The following RELL1 variants were observed in gnomAD, a reference collection of about 807,000 sequenced individuals.
The protein encoded by RELL1 is RELT-like protein 1.
RELL1 carries 10 observed loss-of-function variants against 23.0 expected under a neutral mutation model. The ratio of observed to expected loss-of-function variants is 0.43; its 90% CI spans 0.27 to 0.74. RELL1 has a LOEUF of 0.74. Among genes scored for constraint, RELL1 ranks in the 30% least tolerant of loss-of-function variants. The probability of loss-of-function intolerance (pLI) is 0.19; values close to 1 mark genes in which losing one functional copy is unlikely to be tolerated. For synonymous variants in RELL1, 146 were observed against 146.8 expected, an observed-to-expected ratio of 0.99 and a Z score of 0.04; for missense variants, 315 against 364.4, an observed-to-expected ratio of 0.86 and a Z score of 1.10.
At chr4:37,655,541 G>C (rs1212054663) in intron 1 of RELL1, among the ~76,000 whole-genome samples, 1 of 152,178 alleles carries the variant, frequency 6.6e-6, no homozygotes, top group Non-Finnish European at 1.5e-5. Flanking sequence ...GAACCCAGGA[G>C]AGAGGCATGA....
At position 37,647,388 on chromosome 4, in the gene RELL1, T is replaced by C; in HGVS notation, c.365A>G (p.His122Arg). ...CACACCTTCATTTTTCATGATGTAG[T>C]GGACGATTTGCCCAACAGTGTCACT... Reference protein sequence around the residue: ...ENSDTVGQIVHYIMKNEANAD... With the variant: ...ENSDTVGQIVRYIMKNEANAD... Residue 122 changes from histidine (H) to arginine (R), a missense_variant, in exon 3 of 7, where the codon CAC (histidine) becomes CGC (arginine). Transcript: ENST00000454158. 6.2e-7 allele frequency: 1 copy of C among 1,612,878 alleles called. No homozygotes were observed. The highest frequency in any genetic ancestry group is 1.1e-5 in the South Asian group (1 of 91,018).
At chr4:37,657,964 C>G (rs1219544532) in intron 1 of RELL1, among the ~76,000 whole-genome samples, 1 of 152,014 alleles carries the variant, frequency 6.6e-6, no homozygotes, top group Non-Finnish European at 1.5e-5. Flanking sequence ...AAAGCAATGG[C>G]AAACCAGTGT....
At chr4:37,668,958 G>C (rs1015859809) in intron 1 of RELL1, among the ~76,000 whole-genome samples, 2 of 149,884 alleles carry the variant, frequency 1.3e-5, no homozygotes, top group African/African-American at 5.0e-5. Flanking sequence ...CTGTCTGAGA[G>C]GTGAGGAGCC....
rs57488042 is a variant in RELL1 at position 37,663,738 on chromosome 4, C to T, written c.89-14238G>A. On this transcript the variant is annotated intron_variant, in intron 1 of 6. Coordinates refer to ENST00000454158, the MANE Select transcript of RELL1 (RefSeq NM_001085400.2). ...GAATCCCGGGGCCCACACTCTTAGC[C>T]ATGTTGCTTAACAGTGTCTGTAAGT... 7.6e-3 allele frequency among the ~76,000 whole-genome samples: 1,154 copies of T among 152,264 alleles called. 17 individuals carry two copies. The highest frequency in any genetic ancestry group is 0.026 in the African/African-American group (1,098 of 41,540).
chr4:37,668,505 C>A (rs1243301658), intron 1 of RELL1, among the ~76,000 whole-genome samples: 1 of 151,932 alleles, frequency 6.6e-6, no homozygotes, highest in Non-Finnish European at 1.5e-5. Context: ...GACGGAGTCT[C>A]CTTCACTCAG....
At chr4:37,670,631 T>C (rs1285278923) in intron 1 of RELL1, among the ~76,000 whole-genome samples, 1 of 151,582 alleles carries the variant, frequency 6.6e-6, no homozygotes, top group Non-Finnish European at 1.5e-5. Context: ...AGTGCAGTGG[T>C]GTGATCTCTG....
chr4:37,593,437 A>G (rs1718711912), intron 6 of RELL1, among the ~76,000 whole-genome samples: 1 of 152,212 alleles, frequency 6.6e-6, no homozygotes, highest in Admixed American at 6.5e-5. Context: ...TTTGTAGTCC[A>G]TAATGGCTGC....
chr4:37,674,071 G>A (rs115078069), intron 1 of RELL1, among the ~76,000 whole-genome samples: 2,627 of 152,138 alleles, frequency 0.017, 69 homozygotes, highest in African/African-American at 0.06. Context: ...CTTTTCCATC[G>A]CCCTTATCAG....
At chr4:37,683,949 C>T (rs941725176) in intron 1 of RELL1, among the ~76,000 whole-genome samples, 10 of 151,818 alleles carry the variant, frequency 6.6e-5, no homozygotes, top group African/African-American at 1.7e-4. Flanking sequence ...GGCATGGTGG[C>T]GGGCGCCTGT....
intron 6 of RELL1, among the ~76,000 whole-genome samples, chr4:37,596,906 G>A (rs1484236417): frequency 3.3e-5 from 5 of 150,740 alleles, no homozygotes; most frequent in African/African-American, 9.7e-5. Context: ...GCGCCACCAC[G>A]CCCAGCTAAT....
downstream of RELL1, chr4:37,590,727 G>C (rs138114150): frequency 1.1e-5 from 18 of 1,614,154 alleles, no homozygotes; most frequent in African/African-American, 1.3e-5. Flanking sequence ...AGCCCCCAGT[G>C]GGGGAGCATG....
At chr4:37,662,815 G>A (rs1263522610) in intron 1 of RELL1, among the ~76,000 whole-genome samples, 3 of 151,814 alleles carry the variant, frequency 2.0e-5, no homozygotes, top group African/African-American at 7.3e-5. Flanking sequence ...CTCCGTCTTG[G>A]GAGGAAATTA....
At chr4:37,677,862 C>T (rs1199130110) in intron 1 of RELL1, among the ~76,000 whole-genome samples, 3 of 152,138 alleles carry the variant, frequency 2.0e-5, no homozygotes, top group Non-Finnish European at 4.4e-5. Flanking sequence ...ATCCCAGCTA[C>T]TCAGGAGGCT....
chr4:37,654,488 A>G (rs1721055068), intron 1 of RELL1, among the ~76,000 whole-genome samples: 1 of 152,274 alleles, frequency 6.6e-6, no homozygotes, highest in Non-Finnish European at 1.5e-5. Context: ...AACTGTTCAT[A>G]CATAATGTCT....
chr4:37,665,020 A>C (rs1721482024), intron 1 of RELL1, among the ~76,000 whole-genome samples: 1 of 152,202 alleles, frequency 6.6e-6, no homozygotes, highest in South Asian at 2.1e-4. Context: ...AATCCCTAAC[A>C]CAGTTCCTGC....
intron 1 of RELL1, among the ~76,000 whole-genome samples, chr4:37,680,437 A>C (rs757084192): frequency 7.2e-5 from 11 of 152,254 alleles, no homozygotes; most frequent in Non-Finnish European, 1.5e-4. Flanking sequence ...ACTTAAAAAT[A>C]ATGAGCAACT....
rs1382001129 is a variant in RELL1 at position 37,604,896 on chromosome 4, CACAG to C, written c.*4-13683_*4-13680del. On this transcript the variant is annotated intron_variant, in intron 6 of 6. Coordinates refer to the RELL1 transcript ENST00000314117. ...ACACACACATACACACAGACACACA[CACAG>C]ACACACACACACACACACAGACACA... Among the ~76,000 whole-genome samples, 154 of 71,666 alleles carry C rather than the reference CACAG, an allele frequency of 2.1e-3. 7 individuals are homozygous for C. The highest frequency in any genetic ancestry group is 7.4e-3 in the Middle Eastern group (1 of 136). 47.0% of individuals were successfully genotyped at this position (71,666 alleles called of 152,430 possible).
rs376788142 is a variant in RELL1, at chr4:37,683,476, G to C, written c.88+2724C>G. On this transcript the variant is annotated intron_variant, in intron 1 of 6. Transcript: ENST00000454158. ...AATGAGTTTAAAAATGCCTATGAAG[G>C]CTGGGCGCGGTGGCTCACACCTGTA... Among the ~76,000 whole-genome samples the C allele has an allele frequency of 6.6e-5, 10 of 152,336 alleles. No homozygotes were observed. In the East Asian group the frequency reaches 1.9e-3, roughly 29 times the overall value.
downstream of RELL1, among the ~76,000 whole-genome samples, chr4:37,609,846 AT>A (rs1719320871): frequency 6.6e-6 from 1 of 152,212 alleles, no homozygotes; most frequent in Non-Finnish European, 1.5e-5. Context: ...TGCTTAACAG[AT>A]GATGAAAGAA....
Sources: allele counts gnomAD v4.1 joint callset (sites outside exome capture counted in the v4.1 genomes callset), GRCh38; gene constraint gnomAD v4.1.1; transcripts MANE v1.5; gene names NCBI Gene and HGNC (gene_info 2026-07-23, HGNC 2026-07-21).